MNAT1: variants seen among roughly 807,000 people sequenced by gnomAD.
MNAT1 encodes the protein MNAT1 component of CDK activating kinase.
A neutral mutation model predicts 42.0 loss-of-function variants in MNAT1; 43 were observed. The observed-to-expected ratio is 1.02, with a 90% confidence interval of 0.80 to 1.32. MNAT1 has a LOEUF of 1.32. MNAT1 is among the 40% of genes most tolerant of loss of function. The probability of loss-of-function intolerance (pLI) is 0.00; values close to 1 mark genes in which losing one functional copy is unlikely to be tolerated. For missense variants in MNAT1, 306 were observed against 350.4 expected (o/e 0.87, Z 1.01); for synonymous variants, 118 against 120.0 (o/e 0.98, Z 0.11).
At chr14:60,921,618 A>G (rs2035661847) in intron 7 of MNAT1, among the ~76,000 whole-genome samples, 3 of 152,162 alleles carry the variant, frequency 2.0e-5, no homozygotes, top group African/African-American at 7.2e-5. Flanking sequence ...GATGAAAACT[A>G]GATAGTTGGT....
At chr14:60,884,137 T>A (rs923419000) in intron 7 of MNAT1, among the ~76,000 whole-genome samples, 2 of 152,084 alleles carry the variant, frequency 1.3e-5, no homozygotes, top group Non-Finnish European at 2.9e-5. Context: ...GCATTCTTGC[T>A]GTATTCCAGA....
chr14:60,882,211 C>T (rs749789015), intron 7 of MNAT1, among the ~76,000 whole-genome samples: 1 of 151,710 alleles, frequency 6.6e-6, no homozygotes, highest in Non-Finnish European at 1.5e-5. Context: ...TTTTTTCTAC[C>T]CATTAACCAT....
At chr14:60,804,193 C>G (rs2032295607) in intron 3 of MNAT1, among the ~76,000 whole-genome samples, 1 of 152,128 alleles carries the variant, frequency 6.6e-6, no homozygotes, top group African/African-American at 2.4e-5. Context: ...GCTTTTAATA[C>G]TTGACTAAAG....
intron 1 of MNAT1, among the ~76,000 whole-genome samples, chr14:60,791,806 T>C (rs1376820947): frequency 6.6e-6 from 1 of 152,138 alleles, no homozygotes. Context: ...TTTAAGAAAA[T>C]GTGAAACCTT....
At chr14:60,862,795 G>C (rs887166294) in intron 6 of MNAT1, among the ~76,000 whole-genome samples, 3 of 152,136 alleles carry the variant, frequency 2.0e-5, no homozygotes, top group Admixed American at 6.6e-5. Flanking sequence ...TCTTGTGCTA[G>C]TATAGTTTTA....
chr14:60,746,295 T>G (rs1896613590), intron 1 of MNAT1, among the ~76,000 whole-genome samples: 1 of 151,906 alleles, frequency 6.6e-6, no homozygotes, highest in Admixed American at 6.6e-5. Flanking sequence ...GCGGGTAGAT[T>G]ACGAGGTCAG....
At chr14:60,834,923 C>CCCTTCTTTCCTTCCTTCCTT (rs2033336889) in intron 6 of MNAT1, among the ~76,000 whole-genome samples, 1 of 93,890 alleles carries the variant, frequency 1.1e-5, no homozygotes, top group African/African-American at 4.5e-5. Context: ...TTATGTAGTG[C>CCCTTCTTTCCTTCCTTCCTT]CCTTCCTTCC....
chr14:60,754,749 CA>C (rs1386019338), intron 1 of MNAT1, among the ~76,000 whole-genome samples: 2 of 152,052 alleles, frequency 1.3e-5, no homozygotes, highest in Admixed American at 1.3e-4. Context: ...CAGAAGTAAT[CA>C]AGGGGGAATC....
At chr14:60,855,162 C>G (rs929791380) in intron 6 of MNAT1, among the ~76,000 whole-genome samples, 1 of 152,172 alleles carries the variant, frequency 6.6e-6, no homozygotes, top group Non-Finnish European at 1.5e-5. Context: ...TACCTCTCCC[C>G]GCACCAAGCT....
chr14:60,890,369 A>G (rs903764293), intron 7 of MNAT1, among the ~76,000 whole-genome samples: 2 of 152,134 alleles, frequency 1.3e-5, no homozygotes, highest in South Asian at 2.1e-4. Flanking sequence ...ACTGGCTTTT[A>G]GTTTTCTTGT....
At chr14:60,932,605 CTA>C (rs1256217606) in intron 7 of MNAT1, among the ~76,000 whole-genome samples, 8 of 151,964 alleles carry the variant, frequency 5.3e-5, no homozygotes, top group African/African-American at 1.7e-4. Flanking sequence ...CTTTAGAAAA[CTA>C]TTTTTAACTG....
chr14:60,963,762 C>T (rs949785897), intron 7 of MNAT1, among the ~76,000 whole-genome samples: 2 of 152,172 alleles, frequency 1.3e-5, no homozygotes, highest in African/African-American at 2.4e-5. Context: ...GAGTTCACTA[C>T]CTTTCTTAGT....
chr14:60,855,731 C>T (rs1165579361), intron 6 of MNAT1, among the ~76,000 whole-genome samples: 1 of 152,166 alleles, frequency 6.6e-6, no homozygotes, highest in Non-Finnish European at 1.5e-5. Context: ...GAGATGCAGA[C>T]TGTAGCTGTT....
At chr14:60,819,282 G>A (rs959672685) in intron 6 of MNAT1, among the ~76,000 whole-genome samples, 3 of 151,278 alleles carry the variant, frequency 2.0e-5, no homozygotes, top group African/African-American at 7.3e-5. Flanking sequence ...GATTAATTTG[G>A]GTTTCAAAAA....
At chr14:60,914,913 A>G (rs915174345) in intron 7 of MNAT1, among the ~76,000 whole-genome samples, 1 of 152,356 alleles carries the variant, frequency 6.6e-6, no homozygotes, top group South Asian at 2.1e-4. Flanking sequence ...TTTGAAGGGA[A>G]TAATGTTTTT....
chr14:60,868,240 TGTGTATATACA>T (rs2034248588), intron 6 of MNAT1, among the ~76,000 whole-genome samples: 1 of 152,244 alleles, frequency 6.6e-6, no homozygotes, highest in South Asian at 2.1e-4. Flanking sequence ...CATATATGTA[TGTGTATATACA>T]TGCATACACA....
chr14:60,862,815 A>G (rs889399425), intron 6 of MNAT1, among the ~76,000 whole-genome samples: 2 of 152,188 alleles, frequency 1.3e-5, no homozygotes, highest in African/African-American at 4.8e-5. Context: ...AAGGATCTTC[A>G]GGATATTTTA....
rs539031014 is a variant in MNAT1, at chr14:60,867,029, A to G, written c.688-12685A>G. On this transcript the variant is annotated intron_variant, in intron 6 of 7. Coordinates refer to ENST00000261245, the MANE Select transcript of MNAT1 (RefSeq NM_002431.4). The stretch of plus-strand genomic sequence containing the variant: ...AATTTGGCTAACAAATCTTTAAGGA[A>G]TTTCACTGTAGTAAACAGATTTTGA... 3.8e-4 allele frequency among the ~76,000 whole-genome samples: 58 copies of G among 152,244 alleles called. 1 individual carries two copies. Among genetic ancestry groups the G allele is most frequent in the Non-Finnish European group, 7.2e-4 (49 of 67,972 alleles).
intron 6 of MNAT1, among the ~76,000 whole-genome samples, chr14:60,841,008 T>C (rs2033534885): frequency 6.6e-6 from 1 of 152,156 alleles, no homozygotes; most frequent in South Asian, 2.1e-4. Context: ...TCTTGGTGAA[T>C]ATTGTTTTGT....
Sources: gnomAD v4.1 joint callset for allele counts (sites outside exome capture counted in the v4.1 genomes callset) on GRCh38, gnomAD v4.1.1 for gene constraint, MANE v1.5 for transcripts, NCBI Gene and HGNC (gene_info 2026-07-23, HGNC 2026-07-21) for gene names.